The following PTPRN2 variants were observed in gnomAD, a reference collection of about 807,000 sequenced individuals.
The protein encoded by PTPRN2 is receptor-type tyrosine-protein phosphatase N2.
In PTPRN2, 74 loss-of-function variants were observed where a neutral mutation model predicts 118.8. That is an observed-to-expected ratio of 0.62 (90% CI 0.52 to 0.76). PTPRN2 has a LOEUF of 0.76. Among genes scored for constraint, PTPRN2 ranks in the 30% least tolerant of loss-of-function variants. The pLI is 0.00. For synonymous variants in PTPRN2, 641 were observed against 608.0 expected (o/e 1.05, Z -0.80); for missense variants, 1,481 against 1,394.4 (o/e 1.06, Z -0.99).
At chr7:158,297,745 A>T (rs1317494586) in intron 3 of PTPRN2, among the ~76,000 whole-genome samples, 1 of 152,150 alleles carries the variant, frequency 6.6e-6, no homozygotes, top group Non-Finnish European at 1.5e-5. Context: ...ACTAACCCCC[A>T]TCCTACCTAA....
At chr7:157,910,272 A>G (rs933579196) in intron 11 of PTPRN2, among the ~76,000 whole-genome samples, 3 of 147,016 alleles carry the variant, frequency 2.0e-5, no homozygotes, top group Admixed American at 6.8e-5. Context: ...CGGGTGCAGG[A>G]CCACGCACGT....
At chr7:157,838,918 G>A (rs1456907592) in intron 12 of PTPRN2, among the ~76,000 whole-genome samples, 1 of 131,292 alleles carries the variant, frequency 7.6e-6, no homozygotes, top group African/African-American at 3.5e-5. Context: ...CGTAGTGGAT[G>A]GCACGGGAGA....
At chr7:158,434,691 TTTTA>T (rs1816455940) in intron 2 of PTPRN2, among the ~76,000 whole-genome samples, 1 of 152,214 alleles carries the variant, frequency 6.6e-6, no homozygotes, top group Admixed American at 6.5e-5. Flanking sequence ...TACCTTGTTT[TTTTA>T]TTTGTCTCAT....
In PTPRN2 at chr7:158,526,975, ACCT is replaced by A. The variant is rs1824826358; in HGVS notation, c.113-37193_113-37191del. Among the ~76,000 whole-genome samples, 1 of 152,040 alleles carries A rather than the reference ACCT, an allele frequency of 6.6e-6. No homozygotes were observed. ...TAACACAATGAAGATAGAGTTGGTG[ACCT>A]CCTCAAACCTTCATAAAGGCATAAC... On this transcript the variant is annotated intron_variant, in intron 1 of 22. Coordinates refer to ENST00000389418, the MANE Select transcript of PTPRN2 (RefSeq NM_002847.5). The surrounding 1 kb of genome is among the most constrained non-coding windows in gnomAD (Gnocchi z 5.2).
At chr7:158,476,880 G>T (rs1421094408) in intron 2 of PTPRN2, among the ~76,000 whole-genome samples, 2 of 152,210 alleles carry the variant, frequency 1.3e-5, no homozygotes, top group Non-Finnish European at 2.9e-5. Context: ...CAGAGCCATT[G>T]GGTGGGGTCA....
At chr7:158,376,487 A>G (rs1810525368) in intron 2 of PTPRN2, among the ~76,000 whole-genome samples, 1 of 139,120 alleles carries the variant, frequency 7.2e-6, no homozygotes, top group Non-Finnish European at 1.5e-5. Context: ...GAGGGGGGTC[A>G]GTGGACTCCC....
In PTPRN2 at chr7:157,903,214, C is replaced by T. The variant is rs564250481; in HGVS notation, c.1724-4477G>A. On this transcript the variant is annotated intron_variant, in intron 11 of 22. Coordinates refer to ENST00000389418, the MANE Select transcript of PTPRN2 (RefSeq NM_002847.5). The surrounding 1 kb of genome is among the most constrained non-coding windows in gnomAD (Gnocchi z 4.2). ...TCACATGGAAGTGGGGACCAGACAT[C>T]GGGTACTTACAGCCATAGAGATGGG... Among the ~76,000 whole-genome samples the T allele has an allele frequency of 2.6e-5, 4 of 152,162 alleles. No individual in the cohort carries two copies. The highest frequency in any genetic ancestry group is 3.4e-3 in the Middle Eastern group (1 of 294).
At chr7:158,387,627 T>A (rs1478279277) in intron 2 of PTPRN2, among the ~76,000 whole-genome samples, 1 of 924 alleles carries the variant, frequency 1.1e-3, no homozygotes, top group South Asian at 0.025. Flanking sequence ...AGAGCTGCTG[T>A]GAGGCCCTGG....
chr7:157,775,326 A>G (rs758590544), intron 12 of PTPRN2, among the ~76,000 whole-genome samples: 7 of 152,220 alleles, frequency 4.6e-5, no homozygotes, highest in Non-Finnish European at 8.8e-5. Flanking sequence ...CATGAGCCGC[A>G]GTGGCCAGGC....
At chr7:158,052,384 G>A (rs1357039087) in intron 11 of PTPRN2, among the ~76,000 whole-genome samples, 1 of 152,246 alleles carries the variant, frequency 6.6e-6, no homozygotes, top group Non-Finnish European at 1.5e-5. Flanking sequence ...TCCTCTAGAA[G>A]CAGTGACTAC....
At chr7:158,220,475 G>A (rs1585885880) in intron 3 of PTPRN2, among the ~76,000 whole-genome samples, 1 of 151,884 alleles carries the variant, frequency 6.6e-6, no homozygotes, top group African/African-American at 2.4e-5. Context: ...AAAGTTTCAG[G>A]AAAAAAATAT....
intron 3 of PTPRN2, among the ~76,000 whole-genome samples, chr7:158,263,128 CAT>C (rs1302843542): frequency 8.2e-5 from 12 of 146,952 alleles, no homozygotes; most frequent in Middle Eastern, 7.7e-3. Flanking sequence ...CACACATACA[CAT>C]ATACACACAT....
chr7:157,797,013 G>A (rs924315891), intron 12 of PTPRN2, among the ~76,000 whole-genome samples: 3 of 152,184 alleles, frequency 2.0e-5, no homozygotes, highest in African/African-American at 7.2e-5. Context: ...CCGCTCAGAC[G>A]AACTCACGGC....
intron 2 of PTPRN2, among the ~76,000 whole-genome samples, chr7:158,487,424 TCACCAA>T (rs1821107952): frequency 6.6e-6 from 1 of 152,218 alleles, no homozygotes; most frequent in Admixed American, 6.5e-5. Flanking sequence ...CTCCACATTC[TCACCAA>T]CACCGATTTT....
chr7:157,892,246 A>G (rs931474734), intron 12 of PTPRN2, among the ~76,000 whole-genome samples: 22 of 152,360 alleles, frequency 1.4e-4, no homozygotes, highest in African/African-American at 5.3e-4. Flanking sequence ...TCTGGACACA[A>G]CTGAGAAGGT....
At chr7:157,807,615 T>C (rs1256269839) in intron 12 of PTPRN2, among the ~76,000 whole-genome samples, 1 of 152,216 alleles carries the variant, frequency 6.6e-6, no homozygotes, top group African/African-American at 2.4e-5. Flanking sequence ...GCCCAATTCA[T>C]CACAGGAGGG....
intron 9 of PTPRN2, among the ~76,000 whole-genome samples, chr7:158,131,599 C>CATACAAACCA (rs1222213853): frequency 3.4e-5 from 5 of 147,788 alleles, no homozygotes; most frequent in Non-Finnish European, 6.0e-5. Context: ...CACACACGAA[C>CATACAAACCA]ATACAAACCA....
At chr7:157,998,067 T>G (rs961255182) in intron 11 of PTPRN2, among the ~76,000 whole-genome samples, 168 of 4,278 alleles carry the variant, frequency 0.039, no homozygotes, top group African/African-American at 0.046. Flanking sequence ...GAGTGCAGGG[T>G]GGGGGGAGAG....
chr7:158,081,393 TA>T lies in PTPRN2; in HGVS notation c.1644-17del. 1 of 1,610,942 alleles carries T rather than the reference TA, an allele frequency of 6.2e-7. No homozygotes were observed. The highest frequency in any genetic ancestry group is 8.5e-7 in the Non-Finnish European group (1 of 1,177,128). ...TCCGAGAACCCTGGAAGGGATAATT[TA>T]AAATAAGTTCATAACGAAGTCTACG... On this transcript the variant is annotated splice_polypyrimidine_tract_variant and intron_variant, in intron 10 of 22. Coordinates refer to ENST00000389418, the MANE Select transcript of PTPRN2 (RefSeq NM_002847.5).
Sources: gnomAD v4.1 joint callset for allele counts (sites outside exome capture counted in the v4.1 genomes callset) on GRCh38, gnomAD v4.1.1 for gene constraint, Gnocchi (gnomAD v3.1) non-coding constraint, MANE v1.5 for transcripts, NCBI Gene and HGNC (gene_info 2026-07-23, HGNC 2026-07-21) for gene names.